The following IGFN1 variants were observed in gnomAD, a reference collection of about 807,000 sequenced individuals.
The protein encoded by IGFN1 is immunoglobulin like and fibronectin type III domain containing 1.
Under a neutral mutation model 289.5 loss-of-function variants are expected in IGFN1, and 253 were observed. The ratio of observed to expected loss-of-function variants is 0.87; its 90% confidence interval spans 0.79 to 0.97. IGFN1 has a LOEUF of 0.97. Ranked by LOEUF, IGFN1 falls within the 50% of genes least tolerant of loss-of-function variation. The probability of loss-of-function intolerance (pLI) is 0.00; values close to 1 mark genes in which losing one functional copy is unlikely to be tolerated. For missense variants in IGFN1, 4,470 were observed against 4,686.1 expected (o/e 0.95, Z 1.35); for synonymous variants, 1,706 against 1,788.5 (o/e 0.95, Z 1.16).
At chr1:201,194,718 T>C (rs899990725) in intron 3 of IGFN1, among the ~76,000 whole-genome samples, 1 of 152,158 alleles carries the variant, frequency 6.6e-6, no homozygotes, top group African/African-American at 2.4e-5. Context: ...AAGGCCCTTC[T>C]AGAAGGCCAC....
rs1440449535 is a variant in IGFN1, at chr1:201,209,001, A to G, written c.4108A>G (p.Ile1370Val). The G allele has an allele frequency of 5.9e-6, 9 of 1,536,456 alleles. No individual in the cohort carries two copies. Among genetic ancestry groups the G allele is most frequent in the Non-Finnish European group, 6.1e-6 (7 of 1,146,776 alleles). The change falls in exon 12 of 24, where the codon ATC (isoleucine) becomes GTC (valine). Residue 1370 changes from isoleucine to valine, a missense_variant. Physicochemically the swap from Ile to Val is conservative, Grantham distance 29 (BLOSUM62 3). Around this residue, in one of 8 missense-constraint regions of IGFN1, gnomAD observed 2,011 missense variants for 1,953.4 expected, o/e 1.03. Transcript: ENST00000335211. ...YSGGLKGSRE[I>V]GSMDETDNRK... is the part of the protein sequence containing the mutation. ...CGGTGGTTTAAAGGGTTCCAGGGAAATCGGGTCAATGGATGAAACAGATAA... is the reference window on the plus strand; with the variant it reads ...CGGTGGTTTAAAGGGTTCCAGGGAAGTCGGGTCAATGGATGAAACAGATAA...
chr1:201,201,877 C>A (rs1375665043), intron 9 of IGFN1, 45 bp downstream of exon 9: 7 of 873,254 alleles, frequency 8.0e-6, no homozygotes, highest in Non-Finnish European at 1.3e-5. Context: ...GGCAGGGATG[C>A]TTCAGGTCTA....
rs1667561030 is a variant in IGFN1 at position 201,208,781 on chromosome 1, G to T, written c.3888G>T (p.Glu1296Asp). Residue 1296 changes from glutamate (E) to aspartate (D), a missense_variant, in exon 12 of 24, where the codon GAG (glutamate) becomes GAT (aspartate). Physicochemically the swap from Glu to Asp is conservative, Grantham distance 45 (BLOSUM62 2). This residue lies in a region of IGFN1 where 2,011 missense variants were observed against 1,953.4 expected (regional missense o/e 1.03). Transcript: ENST00000335211. ...ATAAGAAAGATTTGGGGGCTCCTGA[G>T]AATATGGGTTCGGGGAGCAAGGCAG... ...EGYKKDLGAP[E>D]NMGSGSKADY... 6.5e-7 allele frequency: 1 copy of T among 1,536,554 alleles called. No homozygotes were observed. Among genetic ancestry groups the T allele is most frequent in the African/African-American group, 1.4e-5 (1 of 72,916 alleles).
intron 1 of IGFN1, among the ~76,000 whole-genome samples, 173 bp from the exon 2 acceptor site, chr1:201,193,074 G>A (rs2102313616): frequency 6.6e-6 from 1 of 152,190 alleles, no homozygotes; most frequent in South Asian, 2.1e-4. Context: ...GTTTTGCTGG[G>A]GACAGGGAAT....
In IGFN1 at chr1:201,207,655, C is replaced by A. The variant is rs1427570125; in HGVS notation, c.2762C>A (p.Pro921Gln). The change falls in exon 12 of 24, where the codon CCA becomes CAA. Residue 921 changes from proline (P) to glutamine (Q), a missense_variant. Pro to Gln is a moderately conservative substitution (Grantham distance 76, BLOSUM62 -1). This residue lies in a region of IGFN1 where 2,011 missense variants were observed against 1,953.4 expected (regional missense o/e 1.03). Transcript: ENST00000335211. ...GGTCCTGGGTCAATAGGGTCTGAAC[C>A]AGATTTCTGGAATGGGTCAGGGAGC... ...LRGPGSIGSE[P>Q]DFWNGSGSSR... 1 of 1,537,050 alleles carries A rather than the reference C, an allele frequency of 6.5e-7. No homozygotes were observed. Among genetic ancestry groups the A allele is most frequent in the South Asian group, 1.2e-5 (1 of 84,042 alleles).
In IGFN1 at chr1:201,206,220, G is replaced by T. The variant is rs1353700748; in HGVS notation, c.1327G>T (p.Gly443Cys). ...EKSREQGPRG[G>C]SLEGAGPASG... ...ATCCAGAGAGCAGGGCCCCAGGGGG[G>T]GCTCCCTTGAAGGGGCTGGGCCGGC... is the stretch of plus-strand genomic sequence containing the variant. The change falls in exon 12 of 24, where the codon GGC becomes TGC. Residue 443 changes from glycine (G) to cysteine (C), a missense_variant. Around this residue, in one of 8 missense-constraint regions of IGFN1, gnomAD observed 2,011 missense variants for 1,953.4 expected, o/e 1.03. Coordinates refer to ENST00000335211, the MANE Select transcript of IGFN1 (RefSeq NM_001164586.2). The T allele has an allele frequency of 1.3e-6, 2 of 1,548,294 alleles. No homozygotes were observed. Among genetic ancestry groups the T allele is most frequent in the Non-Finnish European group, 1.7e-6 (2 of 1,146,176 alleles).
intron 18 of IGFN1, among the ~76,000 whole-genome samples, chr1:201,220,828 T>G (rs1653678613): frequency 6.6e-6 from 1 of 152,206 alleles, no homozygotes; most frequent in South Asian, 2.1e-4. Flanking sequence ...CACCCCAGAC[T>G]AATTAAATCA....
At chr1:201,193,416 T>C in intron 2 of IGFN1, 116 bp downstream of exon 2, 1 of 703,284 alleles carries the variant, frequency 1.4e-6, no homozygotes, top group Non-Finnish European at 2.4e-6. Context: ...CTTGTTGTTG[T>C]TTTTTTTCTC....
Position 201,209,424 on chromosome 1 carries a change from G to A in IGFN1, c.4531G>A (p.Ala1511Thr). 6.5e-7 allele frequency: 1 copy of A among 1,532,574 alleles called. No individual in the cohort carries two copies. The highest frequency in any genetic ancestry group is 8.7e-7 in the Non-Finnish European group (1 of 1,144,622). 94.9% of individuals were successfully genotyped at this position (1,532,574 alleles called of 1,614,324 possible). A position where few individuals can be genotyped will look rare whatever the true frequency, so the allele number is the denominator to read the frequency against. ...VSEGGGSGSK[A>T]GYRGGLGSGE... is the part of the protein sequence containing the mutation. The stretch of plus-strand genomic sequence containing the variant: ...TGAGGGAGGGGGTTCAGGGAGCAAA[G>A]CAGGTTATAGGGGTGGCTTAGGTTC... Residue 1511 changes from alanine to threonine, a missense_variant, in exon 12 of 24, where the codon GCA (alanine) becomes ACA (threonine). By Grantham distance (58) the Ala-to-Thr change is moderately conservative (BLOSUM62 0). Around this residue, in one of 8 missense-constraint regions of IGFN1, gnomAD observed 2,011 missense variants for 1,953.4 expected, o/e 1.03. Coordinates refer to ENST00000335211, the MANE Select transcript of IGFN1 (RefSeq NM_001164586.2).
rs1187666709 is a variant in IGFN1, at chr1:201,205,174, C to T, written c.1009C>T (p.Pro337Ser). The change falls in exon 11 of 24, where the codon CCT (proline) becomes TCT (serine). Residue 337 changes from proline (P) to serine (S), a missense_variant. Physicochemically the swap from Pro to Ser is moderately conservative, Grantham distance 74. This residue lies in a region of IGFN1 where 2,011 missense variants were observed against 1,953.4 expected (regional missense o/e 1.03). Coordinates refer to ENST00000335211, the MANE Select transcript of IGFN1 (RefSeq NM_001164586.2). ...VFECTLSSPC[P>S]SAAWHFRHRL... is the part of the protein sequence containing the mutation. Reference sequence around the variant, plus strand: ...TGAATGTACCCTCTCCAGCCCCTGCCCTAGTGCAGCCTGGCATTTCCGGCA... The same window carrying T: ...TGAATGTACCCTCTCCAGCCCCTGCTCTAGTGCAGCCTGGCATTTCCGGCA... 6.4e-7 allele frequency: 1 copy of T among 1,551,160 alleles called. No homozygotes were observed. The highest frequency in any genetic ancestry group is 2.4e-5 in the East Asian group (1 of 40,928).
chr1:201,200,129 G>C lies in IGFN1; in HGVS notation c.459-108G>C, dbSNP rs947679322. 3.6e-6 allele frequency: 3 copies of C among 841,888 alleles called. No homozygotes were observed. In the South Asian group the frequency reaches 5.4e-5, roughly 15 times the overall value. The allele number at this position is 841,888 out of a possible 1,614,324, so 52.2% of individuals were successfully genotyped here. ...GAGATTCCAGGCTCTGCGTTTCCTCGAGTGCAGATAGAGCAGCTTCCCAGA... is the reference window on the plus strand; with the variant it reads ...GAGATTCCAGGCTCTGCGTTTCCTCCAGTGCAGATAGAGCAGCTTCCCAGA... On this transcript the variant is annotated intron_variant, in intron 7 of 23. Transcript: ENST00000335211.
In IGFN1 at chr1:201,207,801, G is replaced by T. The variant is rs754077329; in HGVS notation, c.2908G>T (p.Gly970Trp). Residue 970 changes from glycine (G) to tryptophan (W), a missense_variant, in exon 12 of 24, where the codon GGG (glycine) becomes TGG (tryptophan). By Grantham distance (184) the Gly-to-Trp change is radical. Around this residue, in one of 8 missense-constraint regions of IGFN1, gnomAD observed 2,011 missense variants for 1,953.4 expected, o/e 1.03. Transcript: ENST00000335211. Reference sequence around the variant, plus strand: ...TTCTAGGGAAATAAGCTCTAAAAGCGGGGCTGGTTATAGCTATGGCTCAGG... The same window carrying T: ...TTCTAGGGAAATAAGCTCTAAAAGCTGGGCTGGTTATAGCTATGGCTCAGG... ...GYSREISSKS[G>W]AGYSYGSGVP... The T allele has an allele frequency of 1.3e-6, 2 of 1,536,042 alleles. No individual in the cohort carries two copies. Among genetic ancestry groups the T allele is most frequent in the Non-Finnish European group, 1.7e-6 (2 of 1,146,396 alleles).
At chr1:201,225,561 C>G (rs1815134) in intron 21 of IGFN1, among the ~76,000 whole-genome samples, 93,561 of 152,042 alleles carry the variant, frequency 0.62, 31,870 homozygotes, top group East Asian at 0.83. Context: ...CCACTGCACT[C>G]CAGCCTGGGT....
At position 201,201,847 on chromosome 1, in the gene IGFN1, G is replaced by A. The variant is rs116488874; in HGVS notation, c.747+15G>A. 8.7e-7 allele frequency: 1 copy of A among 1,145,538 alleles called. No individual in the cohort carries two copies. Among genetic ancestry groups the A allele is most frequent in the Non-Finnish European group, 1.3e-6 (1 of 777,822 alleles). The allele number at this position is 1,145,538 out of a possible 1,614,324, so 71.0% of individuals were successfully genotyped here. A position where few individuals can be genotyped will look rare whatever the true frequency, so the allele number is the denominator to read the frequency against. ...ACCTGTATAAGGTGAGGCTGGAGGGGCTATGGGTGGGGGGGATCTGGCAGG... is the reference window on the plus strand; with the variant it reads ...ACCTGTATAAGGTGAGGCTGGAGGGACTATGGGTGGGGGGGATCTGGCAGG... On this transcript the variant is annotated intron_variant, in intron 9 of 23. Transcript: ENST00000335211.
chr1:201,204,043 C>T (rs1488301739), intron 10 of IGFN1, 137 bp downstream of exon 10: 2 of 744,210 alleles, frequency 2.7e-6, no homozygotes, highest in African/African-American at 1.8e-5. Context: ...GGGACACATA[C>T]CTAGATGGCC....
Position 201,228,663 on chromosome 1 carries a change from G to C in IGFN1, c.*264G>C. On this transcript the variant is annotated 3_prime_UTR_variant, in exon 24 of 24. Coordinates refer to ENST00000335211, the MANE Select transcript of IGFN1 (RefSeq NM_001164586.2). ...AACCTCCTGGACCCTCACCATATGGGTTTCTTTCTTCTTCGCTTCAGGAGA... is the reference window on the plus strand; with the variant it reads ...AACCTCCTGGACCCTCACCATATGGCTTTCTTTCTTCTTCGCTTCAGGAGA... The C allele has an allele frequency of 1.9e-6, 1 of 539,106 alleles. No homozygotes were observed. Among genetic ancestry groups the C allele is most frequent in the Non-Finnish European group, 3.3e-6 (1 of 301,710 alleles). 33.4% of individuals were successfully genotyped at this position (539,106 alleles called of 1,614,324 possible). A position where few individuals can be genotyped will look rare whatever the true frequency, so the allele number is the denominator to read the frequency against.
At chr1:201,194,850 G>A (rs1666823414) in intron 3 of IGFN1, among the ~76,000 whole-genome samples, 1 of 152,202 alleles carries the variant, frequency 6.6e-6, no homozygotes, top group Non-Finnish European at 1.5e-5. Context: ...CTGGTAATAA[G>A]AAAAAGAATG....
At position 201,200,459 on chromosome 1, in the gene IGFN1, C is replaced by G. The variant is rs1196891188; in HGVS notation, c.633+48C>G. On this transcript the variant is annotated intron_variant, in intron 8 of 23. Coordinates refer to ENST00000335211, the MANE Select transcript of IGFN1 (RefSeq NM_001164586.2). ...CTCACTCCATGCCCACCCCACACAC[C>G]TGGACCATAGGTGCCTCACACCTGG... The G allele has an allele frequency of 6.8e-6, 10 of 1,472,974 alleles. 1 individual carries two copies. The South Asian group carries it at 1.2e-4, about 18-fold the overall frequency. The allele number at this position is 1,472,974 out of a possible 1,614,324, so 91.2% of individuals were successfully genotyped here. A position where few individuals can be genotyped will look rare whatever the true frequency, so the allele number is the denominator to read the frequency against.
rs754712655 is a variant in IGFN1, at chr1:201,227,090, G to A, written c.10995G>A (p.Leu3665=). ...ACCCCGCGGTGTACAGCACTGACCTGCTGGGCGTGTGCTCCCTCACCATCC... is the reference window on the plus strand; with the variant it reads ...ACCCCGCGGTGTACAGCACTGACCTACTGGGCGTGTGCTCCCTCACCATCC... ...EGNPAVYSTD[L]LGVCSLTIPS... Residue 3665 remains leucine, a synonymous_variant, in exon 23 of 24, where the codon CTG becomes CTA. Coordinates refer to ENST00000335211, the MANE Select transcript of IGFN1 (RefSeq NM_001164586.2). 9.9e-6 allele frequency: 16 copies of A among 1,613,498 alleles called. No homozygotes were observed. Among genetic ancestry groups the A allele is most frequent in the Admixed American group, 3.3e-5 (2 of 60,014 alleles).
Sources: gnomAD v4.1 joint callset for allele counts (sites outside exome capture counted in the v4.1 genomes callset) on GRCh38, gnomAD v4.1.1 for gene constraint, gnomAD v4.1.1 regional missense constraint, MANE v1.5 for transcripts, NCBI Gene and HGNC (gene_info 2026-07-23, HGNC 2026-07-21) for gene names.